Variants in SLC10A7 observed in about 807,000 individuals in gnomAD.
The protein encoded by SLC10A7 is solute carrier family 10 member 7.
SLC10A7 carries 29 observed loss-of-function variants against 43.2 expected under a neutral mutation model. The observed-to-expected ratio is 0.67, with a 90% CI of 0.50 to 0.92. SLC10A7 has a LOEUF of 0.92. Ranked by LOEUF, SLC10A7 falls within the 40% of genes least tolerant of loss-of-function variation. SLC10A7 has a pLI of 0.00. For synonymous variants in SLC10A7, 152 were observed against 144.8 expected (o/e 1.05, Z -0.35); for missense variants, 295 against 403.2 (o/e 0.73, Z 2.30).
chr4:146,421,234 T>C (rs1728943140), intron 5 of SLC10A7, among the ~76,000 whole-genome samples: 1 of 152,186 alleles, frequency 6.6e-6, no homozygotes, highest in Non-Finnish European at 1.5e-5. Context: ...CCTCCTCCAG[T>C]ATCAGGTCCT....
At chr4:146,501,875 T>C (rs1275026361) in intron 4 of SLC10A7, among the ~76,000 whole-genome samples, 5 of 152,212 alleles carry the variant, frequency 3.3e-5, no homozygotes, top group Non-Finnish European at 5.9e-5. Flanking sequence ...GCATATCCTG[T>C]ACCTTCAAAA....
intron 5 of SLC10A7, among the ~76,000 whole-genome samples, chr4:146,426,487 T>C (rs1224603438): frequency 1.3e-5 from 2 of 152,156 alleles, no homozygotes; most frequent in African/African-American, 4.8e-5. Flanking sequence ...AAGACCCGTC[T>C]AGACAATATA....
intron 10 of SLC10A7, among the ~76,000 whole-genome samples, chr4:146,281,328 A>C (rs1248896670): frequency 6.6e-6 from 1 of 151,472 alleles, no homozygotes; most frequent in Non-Finnish European, 1.5e-5. Context: ...AGAGAAACAG[A>C]GAAAACCCTT....
At chr4:146,343,986 T>C (rs941874562) in intron 5 of SLC10A7, among the ~76,000 whole-genome samples, 1 of 151,960 alleles carries the variant, frequency 6.6e-6, no homozygotes, top group Non-Finnish European at 1.5e-5. Context: ...ATTCCAAATG[T>C]TTTTAGCTGC....
At chr4:146,302,479 T>A (rs1465773032) in intron 7 of SLC10A7, among the ~76,000 whole-genome samples, 1 of 152,186 alleles carries the variant, frequency 6.6e-6, no homozygotes, top group Non-Finnish European at 1.5e-5. Context: ...ACAAGCAAAC[T>A]AAACATAAGT....
chr4:146,291,258 C>T (rs1730426274), intron 9 of SLC10A7, among the ~76,000 whole-genome samples: 1 of 152,248 alleles, frequency 6.6e-6, no homozygotes, highest in South Asian at 2.1e-4. Context: ...TTTAAAATAG[C>T]TCCTGCTTTC....
At chr4:146,358,652 T>C (rs1363566861) in intron 5 of SLC10A7, among the ~76,000 whole-genome samples, 1 of 152,192 alleles carries the variant, frequency 6.6e-6, no homozygotes, top group African/African-American at 2.4e-5. Context: ...TTTTACTTAG[T>C]ATTATTAATA....
chr4:146,503,765 C>A lies in SLC10A7; in HGVS notation c.396+84G>T, dbSNP rs548539427. ...GCTAGGAGTTTTCTGCAACATCAAC[C>A]CTTCATGTCCAAAAATGTGATATAT... is the stretch of plus-strand genomic sequence containing the variant. On this transcript the variant is annotated intron_variant, in intron 4 of 11. Transcript: ENST00000335472. 381 of 1,298,396 alleles carry A rather than the reference C, an allele frequency of 2.9e-4. 1 individual carries two copies. Among genetic ancestry groups the A allele is most frequent in the Admixed American group, 8.4e-4 (46 of 54,874 alleles). 80.4% of individuals were successfully genotyped at this position (1,298,396 alleles called of 1,614,324 possible).
chr4:146,378,560 T>C (rs1260307002), intron 5 of SLC10A7, among the ~76,000 whole-genome samples: 2 of 152,168 alleles, frequency 1.3e-5, no homozygotes, highest in South Asian at 2.1e-4. Context: ...ATCTACATTA[T>C]AGAGTACATA....
Position 146,276,128 on chromosome 4 carries a change from A to G in SLC10A7, c.847+7064T>C, listed in dbSNP as rs577654329. ...AAACTTTTAGGCAGTCCAGATATCAATGAGAACCCATTTATTACATTTATC... is the reference window on the plus strand; with the variant it reads ...AAACTTTTAGGCAGTCCAGATATCAGTGAGAACCCATTTATTACATTTATC... On this transcript the variant is annotated intron_variant, in intron 10 of 11. Coordinates refer to ENST00000335472, the MANE Select transcript of SLC10A7 (RefSeq NM_001029998.6). 2.0e-5 allele frequency among the ~76,000 whole-genome samples: 3 copies of G among 152,332 alleles called. No homozygotes were observed. The South Asian group carries it at 6.2e-4, about 32-fold the overall frequency.
intron 3 of SLC10A7, 112 bp from the exon 4 acceptor site, chr4:146,504,036 T>C (rs186490955): frequency 4.0e-5 from 35 of 872,728 alleles, no homozygotes; most frequent in Admixed American, 2.3e-4. Flanking sequence ...GGCATATTTA[T>C]TGATGCACAT....
At chr4:146,516,942 T>C (rs1738059828) in intron 2 of SLC10A7, 96 bp downstream of exon 2, 2 of 885,950 alleles carry the variant, frequency 2.3e-6, no homozygotes, top group East Asian at 2.5e-5. Flanking sequence ...CTTCAGATTA[T>C]AGCTATAAAC....
intron 4 of SLC10A7, among the ~76,000 whole-genome samples, chr4:146,485,429 A>C (rs1156926628): frequency 6.6e-6 from 1 of 152,184 alleles, no homozygotes; most frequent in Non-Finnish European, 1.5e-5. Flanking sequence ...GGTCACAGCA[A>C]AACAGGGTCA....
intron 4 of SLC10A7, among the ~76,000 whole-genome samples, chr4:146,465,862 A>C (rs1732979012): frequency 6.6e-6 from 1 of 152,188 alleles, no homozygotes; most frequent in Non-Finnish European, 1.5e-5. Context: ...TCAAGAATAC[A>C]AATGAGAAGG....
At chr4:146,419,629 A>G (rs527887055) in intron 5 of SLC10A7, among the ~76,000 whole-genome samples, 3 of 152,242 alleles carry the variant, frequency 2.0e-5, no homozygotes, top group Non-Finnish European at 4.4e-5. Flanking sequence ...TAAGGTCAGG[A>G]GTTCAAGACC....
At chr4:146,487,548 T>A (rs1735030948) in intron 4 of SLC10A7, among the ~76,000 whole-genome samples, 1 of 152,230 alleles carries the variant, frequency 6.6e-6, no homozygotes. Flanking sequence ...AGATCTTACA[T>A]GGCTGATTTA....
At chr4:146,361,411 T>C (rs1465030585) in intron 5 of SLC10A7, among the ~76,000 whole-genome samples, 2 of 152,190 alleles carry the variant, frequency 1.3e-5, no homozygotes, top group African/African-American at 4.8e-5. Context: ...TGTAAAGACA[T>C]GTAGAAAGTG....
Position 146,464,817 on chromosome 4 carries a change from T to C in SLC10A7, c.397-21996A>G, listed in dbSNP as rs1352047468. ...CAAGCAAAATAGATGACGGTTTAAA[T>C]ATTTAAAGCCACAGACGGTATCTTA... On this transcript the variant is annotated intron_variant, in intron 4 of 11. Coordinates refer to ENST00000335472, the MANE Select transcript of SLC10A7 (RefSeq NM_001029998.6). Among the ~76,000 whole-genome samples, 4 of 152,270 alleles carry C rather than the reference T, an allele frequency of 2.6e-5. No individual in the cohort carries two copies. The South Asian group carries it at 8.3e-4, about 32-fold the overall frequency.
intron 4 of SLC10A7, chr4:146,478,436 TAGGA>T (rs1734210085): frequency 6.6e-6 from 1 of 152,206 alleles, no homozygotes; most frequent in Admixed American, 6.5e-5. Flanking sequence ...AAAATTTAAA[TAGGA>T]TGTACATATT....
Sources: allele counts gnomAD v4.1 joint callset (sites outside exome capture counted in the v4.1 genomes callset), GRCh38; gene constraint gnomAD v4.1.1; transcripts MANE v1.5; gene names NCBI Gene and HGNC (gene_info 2026-07-23, HGNC 2026-07-21).